Variants in SYNPR observed in about 807,000 individuals in gnomAD.
The protein encoded by SYNPR is synaptoporin.
SYNPR carries 23 observed loss-of-function variants against 32.9 expected under a neutral mutation model. That is an observed-to-expected ratio of 0.70 (90% CI 0.50 to 0.99). The LOEUF is 0.99. Among genes scored for constraint, SYNPR ranks in the 50% least tolerant of loss-of-function variants. The pLI is 0.00. For missense variants in SYNPR, 318 were observed against 349.3 expected (o/e 0.91, Z 0.71); for synonymous variants, 146 against 135.9 (o/e 1.07, Z -0.52).
chr3:63,556,770 T>A, intron 4 of SYNPR, 29 bp downstream of exon 4: 1 of 1,570,872 alleles, frequency 6.4e-7, no homozygotes, highest in South Asian at 1.2e-5. Flanking sequence ...CAAATAACTT[T>A]TTCTGTTCCT....
the SYNPR span, among the ~76,000 whole-genome samples, chr3:63,206,778 A>G: frequency 9.2e-5 from 14 of 152,170 alleles, no homozygotes; most frequent in Non-Finnish European, 1.3e-4. Context: ...CACATGGGCC[A>G]TTGATCCTAG....
chr3:63,235,244 G>T (rs1316519249), intron 1 of SYNPR, among the ~76,000 whole-genome samples: 1 of 152,202 alleles, frequency 6.6e-6, no homozygotes, highest in Non-Finnish European at 1.5e-5. Context: ...AAACAGGCCT[G>T]TTGGCTGGAG....
intron 4 of SYNPR, among the ~76,000 whole-genome samples, chr3:63,596,963 C>T (rs1313657635): frequency 2.0e-5 from 3 of 152,112 alleles, no homozygotes; most frequent in South Asian, 2.1e-4. Context: ...ATACACATCA[C>T]GTTTCAAAGA....
intron 2 of SYNPR, among the ~76,000 whole-genome samples, chr3:63,344,552 T>A (rs1414583255): frequency 1.4e-5 from 2 of 146,564 alleles, no homozygotes; most frequent in East Asian, 4.0e-4. Flanking sequence ...CAAAAAAGAT[T>A]TTTTTTTTTT....
At chr3:63,218,571 C>G in the SYNPR span, among the ~76,000 whole-genome samples, 3 of 152,186 alleles carry the variant, frequency 2.0e-5, no homozygotes, top group Non-Finnish European at 4.4e-5. Context: ...GGATGCCTCT[C>G]AGGCTATAAA....
chr3:63,334,377 C>G (rs1188152442), intron 2 of SYNPR, among the ~76,000 whole-genome samples: 1 of 152,172 alleles, frequency 6.6e-6, no homozygotes, highest in African/African-American at 2.4e-5. Context: ...TCCTGTGAGA[C>G]AAGAGGTGAA....
rs571899361 is a variant in SYNPR, at chr3:63,452,227, C to T, written c.85-28605C>T. Reference sequence around the variant, plus strand: ...GGGTGCCGGGTTAAGATTTGGGATACGGAGGTAACTAAAACAAACATGGTC... The same window carrying T: ...GGGTGCCGGGTTAAGATTTGGGATATGGAGGTAACTAAAACAAACATGGTC... On this transcript the variant is annotated intron_variant, in intron 2 of 5. Coordinates refer to ENST00000478300, the MANE Select transcript of SYNPR (RefSeq NM_001130003.2). 264 of 563,776 alleles carry T rather than the reference C, an allele frequency of 4.7e-4. 4 individuals carry two copies. The East Asian group carries it at 7.7e-3, about 16-fold the overall frequency. 34.9% of individuals were successfully genotyped at this position (563,776 alleles called of 1,614,324 possible). A position where few individuals can be genotyped will look rare whatever the true frequency, so the allele number is the denominator to read the frequency against.
chr3:63,486,516 A>G (rs4688402), intron 3 of SYNPR, among the ~76,000 whole-genome samples: 65,657 of 151,892 alleles, frequency 0.43, 14,232 homozygotes, highest in East Asian at 0.49. Flanking sequence ...TGCCTTATTG[A>G]TGTTTTCAGA....
chr3:63,204,597 A>G, the SYNPR span, among the ~76,000 whole-genome samples: 31 of 152,318 alleles, frequency 2.0e-4, no homozygotes, highest in African/African-American at 7.2e-4. Flanking sequence ...TCTCTCCTTT[A>G]GTAGAAGTCT....
Position 63,232,155 on chromosome 3 carries a change from C to T in SYNPR, n.66+3775C>T, listed in dbSNP as rs138840778. On this transcript the variant is annotated intron_variant and non_coding_transcript_variant, in intron 1 of 4. Transcript: ENST00000478456. Reference sequence around the variant, plus strand: ...TTAAATAGAGTTACTTCATAAAGTTCTCAAGGGCTGTCTCAAGTGAGTATT... The same window carrying T: ...TTAAATAGAGTTACTTCATAAAGTTTTCAAGGGCTGTCTCAAGTGAGTATT... 7.8e-5 allele frequency among the ~76,000 whole-genome samples: 11 copies of T among 140,212 alleles called. No homozygotes were observed. In the East Asian group the frequency reaches 2.4e-3, roughly 31 times the overall value. 92.0% of individuals were successfully genotyped at this position (140,212 alleles called of 152,430 possible).
At position 63,283,809 on chromosome 3, in the gene SYNPR, CCTTT is replaced by C. The variant is rs1165674918; in HGVS notation, c.84+5068_84+5071del. Among the ~76,000 whole-genome samples the C allele has an allele frequency of 5.2e-3, 675 of 129,890 alleles. 5 individuals are homozygous for C. Among genetic ancestry groups the C allele is most frequent in the African/African-American group, 0.019 (648 of 33,396 alleles). 85.2% of individuals were successfully genotyped at this position (129,890 alleles called of 152,430 possible). The stretch of plus-strand genomic sequence containing the variant: ...GGTATAGTCCTTCCACAGATAATTA[CCTTT>C]TTTTTTTTTTTTTTTTTTTTTTGAG... On this transcript the variant is annotated intron_variant, in intron 2 of 5. Coordinates refer to ENST00000478300, the MANE Select transcript of SYNPR (RefSeq NM_001130003.2).
chr3:63,527,755 T>C (rs931583411), intron 3 of SYNPR, among the ~76,000 whole-genome samples: 3 of 152,172 alleles, frequency 2.0e-5, no homozygotes, highest in Non-Finnish European at 4.4e-5. Context: ...TGATGGGTAA[T>C]GAATGTCCTT....
Position 63,359,602 on chromosome 3 carries a change from C to G in SYNPR, c.84+80860C>G, listed in dbSNP as rs544038707. On this transcript the variant is annotated intron_variant, in intron 2 of 5. Coordinates refer to ENST00000478300, the MANE Select transcript of SYNPR (RefSeq NM_001130003.2). Reference sequence around the variant, plus strand: ...GCCTTTTCTTGCCACTGTGAGGTCACTTTGAGCAGTACTCCATGGCCCCAG... The same window carrying G: ...GCCTTTTCTTGCCACTGTGAGGTCAGTTTGAGCAGTACTCCATGGCCCCAG... Among the ~76,000 whole-genome samples, 7 of 152,312 alleles carry G rather than the reference C, an allele frequency of 4.6e-5. No individual in the cohort carries two copies. The South Asian group carries it at 1.2e-3, about 27-fold the overall frequency.
chr3:63,412,868 G>T (rs1181684820), intron 2 of SYNPR, among the ~76,000 whole-genome samples: 1 of 152,158 alleles, frequency 6.6e-6, no homozygotes, highest in Non-Finnish European at 1.5e-5. Flanking sequence ...AATAGGATCA[G>T]ATTTGTGTTT....
upstream of SYNPR, among the ~76,000 whole-genome samples, chr3:63,274,341 T>G (rs1184285503): frequency 1.3e-5 from 2 of 152,198 alleles, no homozygotes; most frequent in African/African-American, 4.8e-5. Flanking sequence ...GACTCAAGAT[T>G]AACCCTCTTT....
At chr3:63,571,749 G>A (rs929801949) in intron 4 of SYNPR, among the ~76,000 whole-genome samples, 2 of 151,956 alleles carry the variant, frequency 1.3e-5, no homozygotes, top group South Asian at 2.1e-4. Flanking sequence ...ATACATGAAC[G>A]TATTCCTAAG....
intron 2 of SYNPR, among the ~76,000 whole-genome samples, chr3:63,333,225 T>C (rs1294571366): frequency 1.3e-5 from 2 of 152,042 alleles, no homozygotes; most frequent in East Asian, 3.9e-4. Context: ...TATCTCCAGT[T>C]AGGCTTTTCA....
intron 4 of SYNPR, among the ~76,000 whole-genome samples, chr3:63,557,830 G>A (rs979281441): frequency 6.6e-5 from 10 of 152,102 alleles, no homozygotes; most frequent in African/African-American, 1.4e-4. Context: ...GCTGAATCAT[G>A]TACTATTCTA....
intron 2 of SYNPR, among the ~76,000 whole-genome samples, chr3:63,425,099 A>G (rs1699869374): frequency 6.6e-6 from 1 of 152,194 alleles, no homozygotes; most frequent in African/African-American, 2.4e-5. Context: ...ATATTGTGCC[A>G]TCACAAAAAT....
Sources: gnomAD v4.1 joint callset for allele counts (sites outside exome capture counted in the v4.1 genomes callset) on GRCh38, gnomAD v4.1.1 for gene constraint, MANE v1.5 for transcripts, NCBI Gene and HGNC (gene_info 2026-07-23, HGNC 2026-07-21) for gene names.